PCDHA13: variants seen among roughly 807,000 people sequenced by gnomAD.
PCDHA13 encodes the protein protocadherin alpha 13.
Under a neutral mutation model 64.8 loss-of-function variants are expected in PCDHA13, and 54 were observed. That is an observed-to-expected ratio of 0.83 (90% CI 0.67 to 1.04). The LOEUF (loss-of-function observed/expected upper bound fraction) is 1.04. Among genes scored for constraint, PCDHA13 ranks in the 50% least tolerant of loss-of-function variants. The pLI, the probability that PCDHA13 is intolerant of heterozygous loss-of-function variation, is 0.00. For synonymous variants in PCDHA13, 587 were observed against 564.4 expected, an observed-to-expected ratio of 1.04 and a Z score of -0.57; for missense variants, 1,248 against 1,254.3, an observed-to-expected ratio of 0.99 and a Z score of 0.08.
chr5:140,923,078 G>A (rs1392146044), intron 1 of PCDHA13, among the ~76,000 whole-genome samples: 1 of 152,200 alleles, frequency 6.6e-6, no homozygotes, highest in African/African-American at 2.4e-5. Context: ...CCTCATGTCA[G>A]CACTTATTTG....
intron 1 of PCDHA13, chr5:140,929,129 C>T (rs1206531954): frequency 6.2e-7 from 1 of 1,614,052 alleles, no homozygotes; most frequent in South Asian, 1.1e-5. Context: ...GATGTCACTA[C>T]AGTTGAGAGA....
intron 1 of PCDHA13, chr5:140,969,265 A>T: frequency 1.9e-6 from 3 of 1,614,250 alleles, no homozygotes; most frequent in Non-Finnish European, 2.5e-6. Flanking sequence ...GGAATCTCAC[A>T]GGCCAAAGTG....
intron 1 of PCDHA13, chr5:140,929,505 C>A: frequency 1.2e-6 from 1 of 840,606 alleles, no homozygotes; most frequent in Non-Finnish European, 1.7e-6. Flanking sequence ...TGCCCTAGGC[C>A]TCAAGGGACT....
rs377441374 is a variant in PCDHA13, at chr5:140,884,065, C to T, written c.1797C>T (p.Ala599=). The T allele has an allele frequency of 3.7e-6, 6 of 1,613,346 alleles. No individual in the cohort carries two copies. The African/African-American group carries it at 5.3e-5, about 14-fold the overall frequency. ...TGGCGAAGGTGCGCGCGGTGGACGC[C>T]GATTCGGGCTACAATGCGTGGCTTT... is the stretch of plus-strand genomic sequence containing the variant. ...HVVAKVRAVD[A]DSGYNAWLSY... Residue 599 remains alanine, a synonymous_variant, in exon 1 of 4, where the codon GCC becomes GCT. Transcript: ENST00000289272.
At chr5:141,003,689 A>G (rs2098134450) in intron 3 of PCDHA13, among the ~76,000 whole-genome samples, 3 of 152,228 alleles carry the variant, frequency 2.0e-5, no homozygotes, top group African/African-American at 7.2e-5. Flanking sequence ...ATTTTAAAAT[A>G]TATCCCTACC....
chr5:141,005,335 G>A, intron 3 of PCDHA13, among the ~76,000 whole-genome samples: 1 of 152,148 alleles, frequency 6.6e-6, no homozygotes, highest in Middle Eastern at 3.2e-3. Context: ...ATAGGCCAAG[G>A]GGGTGCTGCT....
intron 1 of PCDHA13, among the ~76,000 whole-genome samples, chr5:140,896,577 G>A (rs1273423445): frequency 4.7e-5 from 7 of 149,554 alleles, no homozygotes; most frequent in African/African-American, 1.7e-4. Context: ...GGGTTTTGAC[G>A]TGTTGGCCAG....
intron 2 of PCDHA13, among the ~76,000 whole-genome samples, chr5:140,980,402 T>G (rs1019891422): frequency 2.0e-5 from 3 of 152,020 alleles, no homozygotes; most frequent in African/African-American, 7.2e-5. Context: ...GAGGCCGAGG[T>G]GGGCAGATCA....
intron 1 of PCDHA13, among the ~76,000 whole-genome samples, chr5:140,920,617 G>A (rs569983611): frequency 9.7e-4 from 148 of 152,170 alleles, no homozygotes; most frequent in African/African-American, 2.6e-3. Context: ...AGGCCGAGGC[G>A]GATGGATCAC....
intron 1 of PCDHA13, chr5:140,928,695 C>T (rs782305388): frequency 9.3e-6 from 15 of 1,614,058 alleles, no homozygotes; most frequent in Non-Finnish European, 1.3e-5. Context: ...ACCACATCTC[C>T]CGGGCGTCTG....
In PCDHA13 at chr5:140,927,984, A is replaced by G. The variant is rs112872627; in HGVS notation, c.2394+43322A>G. 5.7e-5 allele frequency: 92 copies of G among 1,614,218 alleles called. 4 individuals are homozygous for G. In the African/African-American group the frequency reaches 7.1e-4, roughly 12 times the overall value. Reference sequence around the variant, plus strand: ...GCACAGTGATTGCTCTCTTTAGTGTAAAGGATGAAGACCTCGATTCTAATG... The same window carrying G: ...GCACAGTGATTGCTCTCTTTAGTGTGAAGGATGAAGACCTCGATTCTAATG... On this transcript the variant is annotated intron_variant, in intron 1 of 3. Coordinates refer to ENST00000289272, the MANE Select transcript of PCDHA13 (RefSeq NM_018904.3).
At chr5:140,987,560 G>A (rs2097259227) in intron 3 of PCDHA13, among the ~76,000 whole-genome samples, 36 of 152,130 alleles carry the variant, frequency 2.4e-4, no homozygotes, top group Admixed American at 2.4e-3. Flanking sequence ...CTGATTCTCA[G>A]TTTCTTTCTC....
intron 3 of PCDHA13, among the ~76,000 whole-genome samples, chr5:141,005,656 C>T (rs1004583867): frequency 1.5e-4 from 20 of 136,082 alleles, no homozygotes; most frequent in Non-Finnish European, 2.5e-4. Context: ...GAGTCGAGAT[C>T]GCGCCACTGC....
intron 1 of PCDHA13, chr5:140,969,476 A>G: frequency 6.8e-7 from 1 of 1,473,576 alleles, no homozygotes; most frequent in Non-Finnish European, 9.0e-7. Context: ...CAATTTGATC[A>G]TAATCTGCTA....
rs781991042 is a variant in PCDHA13, at chr5:140,968,933, A to G, written c.2395-10016A>G. ...AGTGTCTTTTATATTTCTTTTGACA[A>G]TCATCATTTTGAGCATCATCAAGTG... On this transcript the variant is annotated intron_variant, in intron 1 of 3. Transcript: ENST00000289272. 77 of 1,614,052 alleles carry G rather than the reference A, an allele frequency of 4.8e-5. No individual in the cohort carries two copies. Among genetic ancestry groups the G allele is most frequent in the Non-Finnish European group, 6.0e-5 (71 of 1,180,034 alleles).
At chr5:140,971,435 T>A (rs1188604248) in intron 1 of PCDHA13, among the ~76,000 whole-genome samples, 1 of 152,190 alleles carries the variant, frequency 6.6e-6, no homozygotes, top group Non-Finnish European at 1.5e-5. Flanking sequence ...AACCCCAAGA[T>A]CTACAGCTCC....
At chr5:140,926,217 T>C (rs1201243643) in intron 1 of PCDHA13, among the ~76,000 whole-genome samples, 1 of 151,994 alleles carries the variant, frequency 6.6e-6, no homozygotes, top group African/African-American at 2.4e-5. Flanking sequence ...CCTGTTTCCT[T>C]AAGCCTAGAA....
intron 1 of PCDHA13, 146 bp from the exon 2 acceptor site, chr5:140,978,803 C>A: frequency 2.0e-6 from 3 of 1,485,240 alleles, no homozygotes; most frequent in Middle Eastern, 1.8e-4. Context: ...ATGTAGATAT[C>A]ATCATAGAGT....
At chr5:140,989,041 A>G (rs531223216) in intron 3 of PCDHA13, 1 of 152,340 alleles carries the variant, frequency 6.6e-6, no homozygotes, top group Admixed American at 6.5e-5. Flanking sequence ...GATTCCTTTA[A>G]TATGCCAGCT....
Sources: gnomAD v4.1 joint callset for allele counts (sites outside exome capture counted in the v4.1 genomes callset) on GRCh38, gnomAD v4.1.1 for gene constraint, MANE v1.5 for transcripts, NCBI Gene and HGNC (gene_info 2026-07-23, HGNC 2026-07-21) for gene names.